Variants in PRKCA observed in about 807,000 individuals in gnomAD.
The protein encoded by PRKCA is protein kinase C alpha, also known as protein kinase C alpha type.
In PRKCA, 27 loss-of-function variants were observed where a neutral mutation model predicts 87.0. The ratio of observed to expected loss-of-function variants is 0.31; its 90% CI spans 0.23 to 0.43. PRKCA has a LOEUF of 0.43. PRKCA is among the 20% of genes least tolerant of loss of function. The probability of loss-of-function intolerance (pLI) is 1.00; values close to 1 mark genes in which losing one functional copy is unlikely to be tolerated. For synonymous variants in PRKCA, 329 were observed against 311.1 expected, an observed-to-expected ratio of 1.06 and a Z score of -0.61; for missense variants, 518 against 852.3, an observed-to-expected ratio of 0.61 and a Z score of 4.88.
intron 3 of PRKCA, among the ~76,000 whole-genome samples, chr17:66,512,614 C>T (rs1051165685): frequency 2.0e-5 from 3 of 152,132 alleles, no homozygotes; most frequent in African/African-American, 4.8e-5. Context: ...GGCGGTTCCT[C>T]TTTGTAGAAC....
At chr17:66,540,661 G>A (rs923602194) in intron 3 of PRKCA, among the ~76,000 whole-genome samples, 5 of 152,212 alleles carry the variant, frequency 3.3e-5, no homozygotes, top group Non-Finnish European at 7.3e-5. Context: ...TTTGCAGAGG[G>A]TTCCTAGGCT....
At chr17:66,449,461 CTT>C (rs1175584043) in intron 2 of PRKCA, among the ~76,000 whole-genome samples, 1 of 152,032 alleles carries the variant, frequency 6.6e-6, no homozygotes. Context: ...TAACACTGCT[CTT>C]GTTTATATTC....
rs1406787364 is a variant in PRKCA, at chr17:66,736,274, AC to A, written c.1230+613del. ...CAAAAACAAACAAACAAAAAAACTC[AC>A]AGTCTTGGCTTTTTTTTTTTGAGAC... On this transcript the variant is annotated intron_variant, in intron 10 of 16. Coordinates refer to ENST00000413366, the MANE Select transcript of PRKCA (RefSeq NM_002737.3). 1.2e-4 allele frequency among the ~76,000 whole-genome samples: 18 copies of A among 145,878 alleles called. No individual in the cohort carries two copies. In the Admixed American group the frequency reaches 1.3e-3, roughly 10 times the overall value.
intron 3 of PRKCA, among the ~76,000 whole-genome samples, chr17:66,616,870 G>A (rs1484222292): frequency 2.0e-5 from 3 of 151,960 alleles, no homozygotes; most frequent in African/African-American, 7.3e-5. Context: ...TGCTGTCATG[G>A]GCAATGGGAA....
At chr17:66,367,665 A>G (rs1908814196) in intron 2 of PRKCA, among the ~76,000 whole-genome samples, 1 of 152,202 alleles carries the variant, frequency 6.6e-6, no homozygotes. Context: ...TAGGTTAAAT[A>G]AAAGCTGTCC....
chr17:66,567,268 G>A (rs2143361402), intron 3 of PRKCA, among the ~76,000 whole-genome samples: 1 of 152,302 alleles, frequency 6.6e-6, no homozygotes, highest in East Asian at 1.9e-4. Context: ...AGGTGCCGAG[G>A]TGACAAGATA....
chr17:66,608,410 A>G (rs537863093), intron 3 of PRKCA, among the ~76,000 whole-genome samples: 2 of 152,362 alleles, frequency 1.3e-5, no homozygotes, highest in East Asian at 1.9e-4. Context: ...GTCCAGATCC[A>G]TACTTAAATT....
chr17:66,652,148 A>G (rs182829626), intron 5 of PRKCA, among the ~76,000 whole-genome samples: 2 of 152,114 alleles, frequency 1.3e-5, no homozygotes, highest in Admixed American at 1.3e-4. Flanking sequence ...TGGTAGAGAC[A>G]AGGTTCCACC....
chr17:66,333,594 T>C (rs1043985631), intron 2 of PRKCA, among the ~76,000 whole-genome samples: 8 of 152,166 alleles, frequency 5.3e-5, no homozygotes, highest in Non-Finnish European at 1.2e-4. Context: ...GGAGAGAACC[T>C]CTTATTCCCC....
chr17:66,406,245 G>T (rs912137503), intron 2 of PRKCA, among the ~76,000 whole-genome samples: 2 of 152,252 alleles, frequency 1.3e-5, no homozygotes, highest in South Asian at 2.1e-4. Context: ...AGAACGGGGT[G>T]GGGGAGGGAA....
chr17:66,754,791 G>A (rs1289182840), intron 13 of PRKCA, among the ~76,000 whole-genome samples: 3 of 152,070 alleles, frequency 2.0e-5, no homozygotes, highest in Admixed American at 6.6e-5. Flanking sequence ...ATACTGGAGT[G>A]GAATCTCAGG....
intron 2 of PRKCA, among the ~76,000 whole-genome samples, chr17:66,480,979 C>T (rs1381722061): frequency 1.3e-5 from 2 of 152,042 alleles, no homozygotes; most frequent in Non-Finnish European, 2.9e-5. Flanking sequence ...GTGGCCCAAG[C>T]CTCTTTCCAT....
chr17:66,455,980 G>A (rs941624329), intron 2 of PRKCA, among the ~76,000 whole-genome samples: 5 of 152,078 alleles, frequency 3.3e-5, no homozygotes, highest in Non-Finnish European at 7.4e-5. Flanking sequence ...GTAGATTAGG[G>A]TAGACACTAA....
At chr17:66,640,732 A>G (rs1971268895) in intron 3 of PRKCA, among the ~76,000 whole-genome samples, 1 of 152,248 alleles carries the variant, frequency 6.6e-6, no homozygotes, top group African/African-American at 2.4e-5. Flanking sequence ...CAGAGAAGCC[A>G]AGTTGTTTAA....
chr17:66,605,809 T>G (rs2143609729), intron 3 of PRKCA, among the ~76,000 whole-genome samples: 1 of 152,290 alleles, frequency 6.6e-6, no homozygotes, highest in African/African-American at 2.4e-5. Context: ...TCCTGCTCCG[T>G]AAAAGAAGCC....
intron 2 of PRKCA, among the ~76,000 whole-genome samples, chr17:66,385,145 C>T (rs557118288): frequency 2.2e-4 from 34 of 152,284 alleles, no homozygotes; most frequent in Middle Eastern, 3.4e-3. Flanking sequence ...TGGACCAGGA[C>T]GGTCCCTGGC....
chr17:66,540,050 C>T (rs962730933), intron 3 of PRKCA, among the ~76,000 whole-genome samples: 1 of 152,198 alleles, frequency 6.6e-6, no homozygotes, highest in Non-Finnish European at 1.5e-5. Flanking sequence ...TGGTGCCTCT[C>T]CTGCAGAAGG....
At chr17:66,428,316 G>A (rs797000347) in intron 2 of PRKCA, among the ~76,000 whole-genome samples, 18 of 152,238 alleles carry the variant, frequency 1.2e-4, no homozygotes, top group African/African-American at 4.3e-4. Flanking sequence ...ATATCGAGCT[G>A]TCTTCAAAAT....
In PRKCA at chr17:66,632,444, G is replaced by A. The variant is rs150383635; in HGVS notation, c.289-8911G>A. Among the ~76,000 whole-genome samples the A allele has an allele frequency of 5.5e-3, 831 of 152,116 alleles. 11 individuals are homozygous for A. Among genetic ancestry groups the A allele is most frequent in the African/African-American group, 0.017 (720 of 41,498 alleles). The stretch of plus-strand genomic sequence containing the variant: ...ACCCAGGCTGGAGTGCAGTGGCATG[G>A]TCAGGGCTTACTGCAAACTTGACCT... On this transcript the variant is annotated intron_variant, in intron 3 of 16. Transcript: ENST00000413366.
Sources: allele counts gnomAD v4.1 joint callset (sites outside exome capture counted in the v4.1 genomes callset), GRCh38; gene constraint gnomAD v4.1.1; transcripts MANE v1.5; gene names NCBI Gene and HGNC (gene_info 2026-07-23, HGNC 2026-07-21).